Variants in NOTCH4 observed in about 807,000 individuals in gnomAD.
The protein encoded by NOTCH4 is neurogenic locus notch homolog protein 4.
Under a neutral mutation model 189.0 loss-of-function variants are expected in NOTCH4, and 138 were observed. The ratio of observed to expected loss-of-function variants is 0.73; its 90% CI spans 0.64 to 0.84. The LOEUF (loss-of-function observed/expected upper bound fraction) is 0.84. NOTCH4 is among the 40% of genes least tolerant of loss of function. The probability of loss-of-function intolerance (pLI) is 0.00; values close to 1 mark genes in which losing one functional copy is unlikely to be tolerated. For missense variants in NOTCH4, 2,286 were observed against 2,605.4 expected (o/e 0.88, Z 2.67); for synonymous variants, 942 against 1,032.8 (o/e 0.91, Z 1.69).
Position 32,199,723 on chromosome 6 carries a change from C to CA in NOTCH4, c.4316-579dup, listed in dbSNP as rs1788223435. ...TGTCTCAAACAAAACAAAACAAAAACAAAAAAAATTATCAGGGCATGGTGG... is the reference window on the plus strand; with the variant it reads ...TGTCTCAAACAAAACAAAACAAAAACAAAAAAAAATTATCAGGGCATGGTGG... On this transcript the variant is annotated intron_variant, in intron 23 of 29. Transcript: ENST00000375023. This position sits in a 1 kb window ranked among gnomAD's most constrained non-coding sequence, Gnocchi z 4.9. Among the ~76,000 whole-genome samples the CA allele has an allele frequency of 1.3e-5, 1 of 79,740 alleles. No individual in the cohort carries two copies. Among genetic ancestry groups the CA allele is most frequent in the Non-Finnish European group, 2.7e-5 (1 of 37,702 alleles). 52.3% of individuals were successfully genotyped at this position (79,740 alleles called of 152,430 possible). A position where few individuals can be genotyped will look rare whatever the true frequency, so the allele number is the denominator to read the frequency against.
chr6:32,220,026 A>T, intron 7 of NOTCH4, 103 bp downstream of exon 7: 1 of 1,359,124 alleles, frequency 7.4e-7, no homozygotes, highest in Non-Finnish European at 1.0e-6. Context: ...TCAAGGAAAA[A>T]GATGTTTGGT....
At chr6:32,211,612 A>G (rs1475399106) in intron 17 of NOTCH4, among the ~76,000 whole-genome samples, 1 of 149,986 alleles carries the variant, frequency 6.7e-6, no homozygotes, top group Non-Finnish European at 1.5e-5. Context: ...TAAATAAATA[A>G]ATAAATAAAT....
chr6:32,222,468 T>G, intron 3 of NOTCH4, 43 bp downstream of exon 3: 1 of 1,476,088 alleles, frequency 6.8e-7, no homozygotes. Context: ...CCTAGCCCAT[T>G]GCTCCTGCCT....
Position 32,195,286 on chromosome 6 carries a change from T to C in NOTCH4, c.*151A>G, listed in dbSNP as rs41270468. The C allele has an allele frequency of 2.2e-3, 1,548 of 709,116 alleles. 7 individuals are homozygous for C. The highest frequency in any genetic ancestry group is 9.6e-3 in the Middle Eastern group (26 of 2,722). The allele number at this position is 709,116 out of a possible 1,614,324, so 43.9% of individuals were successfully genotyped here. A position where few individuals can be genotyped will look rare whatever the true frequency, so the allele number is the denominator to read the frequency against. ...AGCTGCAGCTTCTCCACGTGGAAGA[T>C]GTCTGCTCTGGTGGGCATACATTCA... On this transcript the variant is annotated 3_prime_UTR_variant, in exon 30 of 30. Transcript: ENST00000375023. The surrounding 1 kb of genome is among the most constrained non-coding windows in gnomAD (Gnocchi z 5.4).
At chr6:32,219,990 G>T in intron 7 of NOTCH4, 139 bp downstream of exon 7, 2 of 1,028,862 alleles carry the variant, frequency 1.9e-6, no homozygotes, top group Non-Finnish European at 1.5e-6. Flanking sequence ...GGTCATGTAG[G>T]CAAGAGATGC....
Position 32,217,195 on chromosome 6 carries a change from A to G in NOTCH4, c.1696T>C (p.Cys566Arg), listed in dbSNP as rs748283629. 1.2e-6 allele frequency: 2 copies of G among 1,613,046 alleles called. No individual in the cohort carries two copies. The highest frequency in any genetic ancestry group is 1.7e-6 in the Non-Finnish European group (2 of 1,179,986). The change falls in exon 10 of 30, where the codon TGC becomes CGC. Residue 566 changes from cysteine (C) to arginine (R), a missense_variant. Cys to Arg is a radical substitution (Grantham distance 180). Around this residue, in one of 2 missense-constraint regions of NOTCH4, gnomAD observed 1,903 missense variants for 2,261.9 expected, o/e 0.84. Coordinates refer to ENST00000375023, the MANE Select transcript of NOTCH4 (RefSeq NM_004557.4). This position sits in a 1 kb window ranked among gnomAD's most constrained non-coding sequence, Gnocchi z 4.2. ...RSSPCANGGQ[C>R]QDQPGAFHCK... The stretch of plus-strand genomic sequence containing the variant: ...TGGAAGGCTCCAGGCTGGTCCTGGC[A>G]CTGCCCACCATTGGCACAGGGAGAG...
chr6:32,214,186 A>G lies in NOTCH4; in HGVS notation c.2091T>C (p.Ser697=). 1 of 1,613,644 alleles carries G rather than the reference A, an allele frequency of 6.2e-7. No individual in the cohort carries two copies. The highest frequency in any genetic ancestry group is 8.5e-7 in the Non-Finnish European group (1 of 1,179,780). ...ECEAELGGCI[S]APCAHGGTCY... ...AGGTCCCCCCATGGGCACAGGGTGC[A>G]GAGATGCAGCCCCCTAGCTCTGCCT... Residue 697 remains serine, a synonymous_variant, in exon 13 of 30, where the codon TCT becomes TCC. Transcript: ENST00000375023.
At position 32,201,558 on chromosome 6, in the gene NOTCH4, C is replaced by T. The variant is rs1319114638; in HGVS notation, c.3756-58G>A. 6 of 1,419,670 alleles carry T rather than the reference C, an allele frequency of 4.2e-6. No homozygotes were observed. Among genetic ancestry groups the T allele is most frequent in the Non-Finnish European group, 5.5e-6 (6 of 1,086,622 alleles). The allele number at this position is 1,419,670 out of a possible 1,614,324, so 87.9% of individuals were successfully genotyped here. A position where few individuals can be genotyped will look rare whatever the true frequency, so the allele number is the denominator to read the frequency against. ...CCCTAAAACCTGACTCTTTTCTTCA[C>T]CCTAGAAAGAATTCCCCATATTTTG... is the stretch of plus-strand genomic sequence containing the variant. On this transcript the variant is annotated intron_variant, in intron 21 of 29. Transcript: ENST00000375023. This position sits in a 1 kb window ranked among gnomAD's most constrained non-coding sequence, Gnocchi z 5.5.
chr6:32,196,963 A>G lies in NOTCH4; in HGVS notation c.5162T>C (p.Ile1721Thr). The change falls in exon 28 of 30, where the codon ATT becomes ACT. Residue 1721 changes from isoleucine to threonine, a missense_variant. Physicochemically the swap from Ile to Thr is moderately conservative, Grantham distance 89. Transcript: ENST00000375023. ...GGCCCCCACGTCTGCTTGGGCTGCA[A>G]TCAGTTCTTCAACCAGGTCTTCCAC... is the stretch of plus-strand genomic sequence containing the variant. ...LAVEDLVEEL[I>T]AAQADVGARD... is the part of the protein sequence containing the mutation. 5.6e-6 allele frequency: 9 copies of G among 1,612,816 alleles called. No individual in the cohort carries two copies. The highest frequency in any genetic ancestry group is 7.6e-6 in the Non-Finnish European group (9 of 1,179,972).
In NOTCH4 at chr6:32,219,804, C is replaced by G. The variant is rs773124246; in HGVS notation, c.1316-18G>C. 1 of 1,604,964 alleles carries G rather than the reference C, an allele frequency of 6.2e-7. No individual in the cohort carries two copies. ...TTGCTGGGCTGGGAGGAGAGAAGAG[C>G]TGGGAGTCCACAGGGGTCAGGGCAG... is the stretch of plus-strand genomic sequence containing the variant. On this transcript the variant is annotated intron_variant, in intron 7 of 29. Transcript: ENST00000375023.
Position 32,195,148 on chromosome 6 carries a change from C to T in NOTCH4, c.*289G>A. 4.4e-6 allele frequency: 2 copies of T among 451,494 alleles called. No homozygotes were observed. Among genetic ancestry groups the T allele is most frequent in the South Asian group, 8.7e-5 (2 of 22,868 alleles). 28.0% of individuals were successfully genotyped at this position (451,494 alleles called of 1,614,324 possible). A position where few individuals can be genotyped will look rare whatever the true frequency, so the allele number is the denominator to read the frequency against. The stretch of plus-strand genomic sequence containing the variant: ...TCTTACATCCCATATGCCTGCAATT[C>T]TTGGTTCCAACTTAGGGGTATTTCC... On this transcript the variant is annotated 3_prime_UTR_variant, in exon 30 of 30. Coordinates refer to ENST00000375023, the MANE Select transcript of NOTCH4 (RefSeq NM_004557.4). This position sits in a 1 kb window ranked among gnomAD's most constrained non-coding sequence, Gnocchi z 5.4.
intron 8 of NOTCH4, 52 bp downstream of exon 8, chr6:32,219,540 G>A: frequency 2.0e-6 from 3 of 1,533,492 alleles, no homozygotes; most frequent in Non-Finnish European, 2.7e-6. Flanking sequence ...TTCCTAGTGG[G>A]TTCAGGACTA....
In NOTCH4 at chr6:32,201,158, T is replaced by C. The variant is rs1788321793; in HGVS notation, c.4098A>G (p.Gln1366=). 3 of 1,612,644 alleles carry C rather than the reference T, an allele frequency of 1.9e-6. No homozygotes were observed. Among genetic ancestry groups the C allele is most frequent in the Middle Eastern group, 1.7e-4 (1 of 6,060 alleles). Residue 1366 remains glutamine, a synonymous_variant, in exon 22 of 30, where the codon CAA becomes CAG. Coordinates refer to ENST00000375023, the MANE Select transcript of NOTCH4 (RefSeq NM_004557.4). This position sits in a 1 kb window ranked among gnomAD's most constrained non-coding sequence, Gnocchi z 5.5. The part of the protein sequence containing the change: ...DPTYQERAAP[Q]TQPLGKETDS... ...CGGTCTCCTTGCCCAGGGGCTGCGT[T>C]TGAGGGGCTGCTCTCTCCTGATAGG...
chr6:32,202,232 C>T lies in NOTCH4; in HGVS notation c.3599G>A (p.Gly1200Glu), dbSNP rs61729677. The T allele has an allele frequency of 4.5e-4, 710 of 1,560,606 alleles. 2 individuals carry two copies. The highest frequency in any genetic ancestry group is 2.6e-3 in the Middle Eastern group (15 of 5,772). ...GCSGPGGNWD[G>E]GDCSLGVPDP... is the part of the protein sequence containing the mutation. ...TGGGACTCCCAGAGAGCAGTCCCCT[C>T]CATCCCAGTTTCCTCCCGGGCCACT... Residue 1200 changes from glycine to glutamate, a missense_variant, in exon 21 of 30, where the codon GGA (glycine) becomes GAA (glutamate). By Grantham distance (98) the Gly-to-Glu change is moderately conservative. Coordinates refer to ENST00000375023, the MANE Select transcript of NOTCH4 (RefSeq NM_004557.4). The surrounding 1 kb of genome is among the most constrained non-coding windows in gnomAD (Gnocchi z 5.7).
intron 1 of NOTCH4, 56 bp from the exon 2 acceptor site, chr6:32,223,142 C>T (rs1419502594): frequency 3.7e-6 from 5 of 1,365,196 alleles, no homozygotes; most frequent in Non-Finnish European, 5.2e-6. Flanking sequence ...CTCCACCTTT[C>T]CTCTTCTAGG....
chr6:32,212,651 G>A lies in NOTCH4; in HGVS notation c.2527-24C>T, dbSNP rs774492028. 1.9e-6 allele frequency: 3 copies of A among 1,597,874 alleles called. No individual in the cohort carries two copies. Among genetic ancestry groups the A allele is most frequent in the Non-Finnish European group, 2.6e-6 (3 of 1,172,264 alleles). On this transcript the variant is annotated intron_variant, in intron 16 of 29. Transcript: ENST00000375023. This position sits in a 1 kb window ranked among gnomAD's most constrained non-coding sequence, Gnocchi z 4.4. Reference sequence around the variant, plus strand: ...GTCTGAGGGGTGGGAGGGAGCGTGAGGCAGGACATAGCATCAGATTCTCAG... The same window carrying A: ...GTCTGAGGGGTGGGAGGGAGCGTGAAGCAGGACATAGCATCAGATTCTCAG...
chr6:32,211,316 C>T (rs1020748913), intron 17 of NOTCH4, among the ~76,000 whole-genome samples: 4 of 150,760 alleles, frequency 2.7e-5, no homozygotes, highest in Admixed American at 2.0e-4. Flanking sequence ...TGTGGCCGGG[C>T]GTGGTGGCTC....
rs1311315954 is a variant in NOTCH4 at position 32,195,386 on chromosome 6, T to C, written c.*51A>G. 6.6e-7 allele frequency: 1 copy of C among 1,509,794 alleles called. No homozygotes were observed. The highest frequency in any genetic ancestry group is 1.3e-5 in the South Asian group (1 of 76,082). The allele number at this position is 1,509,794 out of a possible 1,614,324, so 93.5% of individuals were successfully genotyped here. A position where few individuals can be genotyped will look rare whatever the true frequency, so the allele number is the denominator to read the frequency against. On this transcript the variant is annotated 3_prime_UTR_variant, in exon 30 of 30. Coordinates refer to ENST00000375023, the MANE Select transcript of NOTCH4 (RefSeq NM_004557.4). This position sits in a 1 kb window ranked among gnomAD's most constrained non-coding sequence, Gnocchi z 5.4. ...TTAAAACCAGGAAGGCCTTCCAGCC[T>C]GCCTTTTAATGGGTAATCATTTTTG... is the stretch of plus-strand genomic sequence containing the variant.
Position 32,224,064 on chromosome 6 carries a change from G to T in NOTCH4, c.-136C>A, listed in dbSNP as rs528709987. On this transcript the variant is annotated 5_prime_UTR_variant, in exon 1 of 30. Transcript: ENST00000375023. ...CTCCTCGGCCTGCTGCAAGCCTCAC[G>T]TCTGAGCTGTTTCCTGAGTCACACA... 1.1e-6 allele frequency: 1 copy of T among 871,342 alleles called. No individual in the cohort carries two copies. The highest frequency in any genetic ancestry group is 3.5e-4 in the Middle Eastern group (1 of 2,832). 54.0% of individuals were successfully genotyped at this position (871,342 alleles called of 1,614,324 possible).
Sources: gnomAD v4.1 joint callset for allele counts (sites outside exome capture counted in the v4.1 genomes callset) on GRCh38, gnomAD v4.1.1 for gene constraint, gnomAD v4.1.1 regional missense constraint, Gnocchi (gnomAD v3.1) non-coding constraint, MANE v1.5 for transcripts, NCBI Gene and HGNC (gene_info 2026-07-23, HGNC 2026-07-21) for gene names.